The following PCDH1 variants were observed in gnomAD, a reference collection of about 807,000 sequenced individuals.
The protein encoded by PCDH1 is protocadherin 1.
A neutral mutation model predicts 74.6 loss-of-function variants in PCDH1; 23 were observed. The ratio of observed to expected loss-of-function variants is 0.31; its 90% CI spans 0.22 to 0.44. The LOEUF (loss-of-function observed/expected upper bound fraction) is 0.44, where lower values mean the gene tolerates loss of function less well. Ranked by LOEUF, PCDH1 falls within the 20% of genes least tolerant of loss-of-function variation. The probability of loss-of-function intolerance (pLI) is 1.00; values close to 1 mark genes in which losing one functional copy is unlikely to be tolerated. For synonymous variants in PCDH1, 647 were observed against 686.1 expected (o/e 0.94, Z 0.89); for missense variants, 1,214 against 1,641.4 (o/e 0.74, Z 4.50).
In PCDH1 at chr5:141,857,488, T is replaced by C. The variant is rs1752397580; in HGVS notation, c.3100-17A>G. 6.2e-7 allele frequency: 1 copy of C among 1,608,488 alleles called. No homozygotes were observed. Among genetic ancestry groups the C allele is most frequent in the East Asian group, 2.2e-5 (1 of 44,804 alleles). On this transcript the variant is annotated splice_polypyrimidine_tract_variant and intron_variant, in intron 3 of 4. Transcript: ENST00000287008. ...GTGAGGTAACTGCAGGGAGACAGAT[T>C]GTCACTACTGACCAGCCAGCTTGCC...
intron 3 of PCDH1, 59 bp from the exon 4 acceptor site, chr5:141,857,530 A>G: frequency 1.4e-6 from 2 of 1,443,508 alleles, no homozygotes; most frequent in South Asian, 1.3e-5. Flanking sequence ...GCCCACCACC[A>G]TACCAGGCCC....
chr5:141,860,627 C>T (rs549020791), intron 3 of PCDH1, among the ~76,000 whole-genome samples: 4 of 152,120 alleles, frequency 2.6e-5, no homozygotes, highest in Admixed American at 2.0e-4. Context: ...CACCACAGAA[C>T]GCCTTTTTTA....
chr5:141,856,436 G>A (rs1010323137), intron 4 of PCDH1, among the ~76,000 whole-genome samples: 2 of 152,174 alleles, frequency 1.3e-5, no homozygotes, highest in Non-Finnish European at 1.5e-5. Context: ...TTTGTGGAGC[G>A]AGGAGGCTTT....
At chr5:141,854,926 C>T (rs536724844) in intron 4 of PCDH1, among the ~76,000 whole-genome samples, 1 of 151,290 alleles carries the variant, frequency 6.6e-6, no homozygotes, top group South Asian at 2.1e-4. Context: ...CCCACCTTGA[C>T]CTCCCAAAGT....
intron 2 of PCDH1, chr5:141,867,561 G>C (rs759130018): frequency 1.8e-5 from 8 of 454,596 alleles, no homozygotes; most frequent in South Asian, 1.1e-4. Flanking sequence ...ATCCCCGACT[G>C]TCTGTCTCCC....
At chr5:141,877,783 T>A (rs149276780) in intron 1 of PCDH1, among the ~76,000 whole-genome samples, 7 of 152,280 alleles carry the variant, frequency 4.6e-5, no homozygotes, top group South Asian at 2.1e-4. Flanking sequence ...TGGAAGCGGC[T>A]GAGTGAGCCG....
chr5:141,865,882 G>A lies in PCDH1; in HGVS notation c.904-455C>T, dbSNP rs1454350095. Among the ~76,000 whole-genome samples, 2 of 106,990 alleles carry A rather than the reference G, an allele frequency of 1.9e-5. No individual in the cohort carries two copies. The highest frequency in any genetic ancestry group is 4.9e-5 in the Non-Finnish European group (2 of 40,838). 70.2% of individuals were successfully genotyped at this position (106,990 alleles called of 152,430 possible). A position where few individuals can be genotyped will look rare whatever the true frequency, so the allele number is the denominator to read the frequency against. On this transcript the variant is annotated intron_variant, in intron 2 of 4. Transcript: ENST00000287008. The surrounding 1 kb of genome is among the most constrained non-coding windows in gnomAD (Gnocchi z 4.4). ...CCGTGTGAATGTGCACTACATGCAC[G>A]CACGCATGCACATATGTATGTGTAT...
Position 141,878,121 on chromosome 5 carries a change from C to T in PCDH1, c.40+102G>A. On this transcript the variant is annotated intron_variant, in intron 1 of 4. Transcript: ENST00000287008. This position sits in a 1 kb window ranked among gnomAD's most constrained non-coding sequence, Gnocchi z 5.5. ...CCTCGCGCCGAGCTCGTGTTGGGCC[C>T]CCGCGGCCTCGCTCCGCCGAGCGCC... 1 of 1,137,780 alleles carries T rather than the reference C, an allele frequency of 8.8e-7. No homozygotes were observed. The highest frequency in any genetic ancestry group is 1.2e-6 in the Non-Finnish European group (1 of 865,244). The allele number at this position is 1,137,780 out of a possible 1,614,324, so 70.5% of individuals were successfully genotyped here.
intron 3 of PCDH1, among the ~76,000 whole-genome samples, chr5:141,860,539 TC>T (rs1277226245): frequency 1.3e-5 from 2 of 150,688 alleles, no homozygotes; most frequent in South Asian, 4.2e-4. Flanking sequence ...TCTAACAGGT[TC>T]CCCCTTTTTT....
chr5:141,869,870 G>T lies in PCDH1; in HGVS notation c.41-439C>A. 1 of 916,882 alleles carries T rather than the reference G, an allele frequency of 1.1e-6. No individual in the cohort carries two copies. The allele number at this position is 916,882 out of a possible 1,614,324, so 56.8% of individuals were successfully genotyped here. A position where few individuals can be genotyped will look rare whatever the true frequency, so the allele number is the denominator to read the frequency against. On this transcript the variant is annotated intron_variant, in intron 1 of 4. Coordinates refer to ENST00000287008, the MANE Select transcript of PCDH1 (RefSeq NM_032420.5). The surrounding 1 kb of genome is among the most constrained non-coding windows in gnomAD (Gnocchi z 4.9). ...AGATAGGGAGAGAGAGCCAGTGGAA[G>T]GGTGAGACCTCGAGCATCCCCAACT...
intron 2 of PCDH1, among the ~76,000 whole-genome samples, chr5:141,866,877 G>T (rs1233777156): frequency 6.6e-6 from 1 of 152,190 alleles, no homozygotes; most frequent in Non-Finnish European, 1.5e-5. Context: ...TGCTAATGCA[G>T]TAGTGGGCAC....
chr5:141,856,673 C>T (rs1752352379), intron 4 of PCDH1, among the ~76,000 whole-genome samples: 2 of 151,432 alleles, frequency 1.3e-5, no homozygotes, highest in South Asian at 4.2e-4. Context: ...CCCTCCCAGA[C>T]AGGCCTTTCT....
intron 4 of PCDH1, among the ~76,000 whole-genome samples, chr5:141,855,957 C>A (rs1235100571): frequency 1.3e-5 from 2 of 149,166 alleles, no homozygotes; most frequent in African/African-American, 2.4e-5. Flanking sequence ...GGCAGTGACC[C>A]CCCCCCACCC....
Position 141,865,351 on chromosome 5 carries a change from C to G in PCDH1, c.980G>C (p.Arg327Thr). 6.2e-7 allele frequency: 1 copy of G among 1,614,162 alleles called. No individual in the cohort carries two copies. Residue 327 changes from arginine (R) to threonine (T), a missense_variant, in exon 3 of 5, where the codon AGG becomes ACG. Physicochemically the swap from Arg to Thr is moderately conservative, Grantham distance 71. Around this residue, in one of 4 missense-constraint regions of PCDH1, gnomAD observed 836 missense variants for 1,182.2 expected, o/e 0.71. Coordinates refer to ENST00000287008, the MANE Select transcript of PCDH1 (RefSeq NM_032420.5). The surrounding 1 kb of genome is among the most constrained non-coding windows in gnomAD (Gnocchi z 4.4). Reference protein sequence around the residue: ...YTFHQAPEVVRRLLRLDRNTG... With the variant: ...YTFHQAPEVVTRLLRLDRNTG... ...GTTCCTGTCCAGTCGAAGAAGACGCCTCACAACTTCGGGCGCCTGGTGGAA... is the reference window on the plus strand; with the variant it reads ...GTTCCTGTCCAGTCGAAGAAGACGCGTCACAACTTCGGGCGCCTGGTGGAA...
chr5:141,856,938 C>T (rs532348704), intron 4 of PCDH1, among the ~76,000 whole-genome samples: 37 of 152,292 alleles, frequency 2.4e-4, no homozygotes, highest in African/African-American at 8.4e-4. Context: ...GTGCCGAATG[C>T]AACAGCTTTG....
chr5:141,874,863 T>C (rs542955668), intron 1 of PCDH1, among the ~76,000 whole-genome samples: 2 of 151,198 alleles, frequency 1.3e-5, no homozygotes, highest in Admixed American at 6.6e-5. Flanking sequence ...GAAAATGGGG[T>C]TGCGTGGGGT....
chr5:141,876,140 G>C (rs13181172), intron 1 of PCDH1, among the ~76,000 whole-genome samples: 1 of 152,148 alleles, frequency 6.6e-6, no homozygotes, highest in Admixed American at 6.5e-5. Context: ...GCGGAGATTA[G>C]GGGGTGGCGG....
chr5:141,857,275 C>A lies in PCDH1; in HGVS notation c.3296G>T (p.Gly1099Val). The change falls in exon 4 of 5, where the codon GGA (glycine) becomes GTA (valine). Residue 1099 changes from glycine to valine, a missense_variant. By Grantham distance (109) the Gly-to-Val change is moderately radical. Coordinates refer to ENST00000287008, the MANE Select transcript of PCDH1 (RefSeq NM_032420.5). ...YERTTPDGSI[G>V]EMEHPENDLR... ...ACCATTCTCGGGGTGCTCCATCTCT[C>A]CTATGCTGCCATCAGGGGTGGTGCG... 1 of 1,601,680 alleles carries A rather than the reference C, an allele frequency of 6.2e-7. No individual in the cohort carries two copies. Among genetic ancestry groups the A allele is most frequent in the Non-Finnish European group, 8.5e-7 (1 of 1,174,594 alleles).
At chr5:141,867,048 GT>G (rs1752874966) in intron 2 of PCDH1, among the ~76,000 whole-genome samples, 2 of 152,146 alleles carry the variant, frequency 1.3e-5, no homozygotes, top group Admixed American at 6.5e-5. Flanking sequence ...AACCCTAACA[GT>G]TTCTCCTCCC....
Sources: gnomAD v4.1 joint callset for allele counts (sites outside exome capture counted in the v4.1 genomes callset) on GRCh38, gnomAD v4.1.1 for gene constraint, gnomAD v4.1.1 regional missense constraint, Gnocchi (gnomAD v3.1) non-coding constraint, MANE v1.5 for transcripts, NCBI Gene and HGNC (gene_info 2026-07-23, HGNC 2026-07-21) for gene names.